Variants in TRIM62 observed in about 807,000 individuals in gnomAD.
TRIM62 encodes the protein tripartite motif containing 62, also known as E3 ubiquitin-protein ligase TRIM62.
In TRIM62, 39 loss-of-function variants were observed where a neutral mutation model predicts 44.2. The ratio of observed to expected loss-of-function variants is 0.88; its 90% CI spans 0.68 to 1.15. The LOEUF (loss-of-function observed/expected upper bound fraction) is 1.15, where lower values mean the gene tolerates loss of function less well. TRIM62 is among the 50% of genes most tolerant of loss of function. The probability of loss-of-function intolerance (pLI) is 0.00; values close to 1 mark genes in which losing one functional copy is unlikely to be tolerated. For missense variants in TRIM62, 544 were observed against 665.5 expected, an observed-to-expected ratio of 0.82 and a Z score of 2.01; for synonymous variants, 278 against 292.3, an observed-to-expected ratio of 0.95 and a Z score of 0.50.
At chr1:33,176,535 G>T in intron 1 of TRIM62, 3 of 639,850 alleles carry the variant, frequency 4.7e-6, no homozygotes, top group East Asian at 2.8e-5. Context: ...CCTCTCTGGG[G>T]GTTAGGAACC....
intron 1 of TRIM62, among the ~76,000 whole-genome samples, chr1:33,178,496 A>G (rs778214814): frequency 2.0e-5 from 3 of 152,222 alleles, no homozygotes; most frequent in Non-Finnish European, 2.9e-5. Context: ...GAGTCTGGGC[A>G]TTCACTCAGC....
intron 4 of TRIM62, among the ~76,000 whole-genome samples, chr1:33,157,697 G>A (rs1645199396): frequency 6.6e-6 from 1 of 151,784 alleles, no homozygotes; most frequent in South Asian, 2.1e-4. Context: ...AAGTGTCCAG[G>A]CCTCAGTCAT....
chr1:33,159,594 C>T lies in TRIM62; in HGVS notation c.761+94G>A. On this transcript the variant is annotated intron_variant, in intron 3 of 4. Coordinates refer to ENST00000291416, the MANE Select transcript of TRIM62 (RefSeq NM_018207.3). This position sits in a 1 kb window ranked among gnomAD's most constrained non-coding sequence, Gnocchi z 4.2. The stretch of plus-strand genomic sequence containing the variant: ...ATGAAGATTTGAATGAAAGAATTCT[C>T]TGCTAAGGATCCCATCTGCCTCCAC... 1 of 1,460,884 alleles carries T rather than the reference C, an allele frequency of 6.8e-7. No individual in the cohort carries two copies. The highest frequency in any genetic ancestry group is 9.1e-7 in the Non-Finnish European group (1 of 1,101,100). 90.5% of individuals were successfully genotyped at this position (1,460,884 alleles called of 1,614,324 possible). A position where few individuals can be genotyped will look rare whatever the true frequency, so the allele number is the denominator to read the frequency against.
intron 4 of TRIM62, among the ~76,000 whole-genome samples, chr1:33,149,889 T>C (rs548445251): frequency 1.3e-5 from 2 of 152,308 alleles, no homozygotes; most frequent in South Asian, 4.1e-4. Flanking sequence ...CTCCCTTGTG[T>C]GTCCAGAGCC....
At position 33,177,103 on chromosome 1, in the gene TRIM62, G is replaced by GCA. The variant is rs771243263; in HGVS notation, c.408+3920_408+3921dup. ...CATGCATGCACAAATGCACACACAT[G>GCA]CACACACACATGCATGTACGCATGC... On this transcript the variant is annotated intron_variant, in intron 1 of 4. Coordinates refer to ENST00000291416, the MANE Select transcript of TRIM62 (RefSeq NM_018207.3). The surrounding 1 kb of genome is among the most constrained non-coding windows in gnomAD (Gnocchi z 4.1). 2.7e-5 allele frequency among the ~76,000 whole-genome samples: 4 copies of GCA among 150,662 alleles called. No homozygotes were observed. The highest frequency in any genetic ancestry group is 6.6e-5 in the Admixed American group (1 of 15,140).
At chr1:33,151,078 A>G (rs936247316) in intron 4 of TRIM62, among the ~76,000 whole-genome samples, 3 of 152,048 alleles carry the variant, frequency 2.0e-5, no homozygotes, top group Non-Finnish European at 4.4e-5. Context: ...TATGTAGGAC[A>G]ATGTGAGCCA....
chr1:33,179,231 G>C (rs72885956), intron 1 of TRIM62, among the ~76,000 whole-genome samples: 1 of 152,244 alleles, frequency 6.6e-6, no homozygotes, highest in Non-Finnish European at 1.5e-5. Context: ...GCCAAGCCTT[G>C]TGCAGGCTCC....
At chr1:33,172,242 G>C (rs534613140) in intron 1 of TRIM62, among the ~76,000 whole-genome samples, 5 of 152,306 alleles carry the variant, frequency 3.3e-5, no homozygotes, top group East Asian at 1.9e-4. Flanking sequence ...GACTCAGAAC[G>C]GGGGGAGCTT....
In TRIM62 at chr1:33,176,233, C is replaced by T. The variant is rs142313803; in HGVS notation, c.408+4792G>A. Among the ~76,000 whole-genome samples, 1,346 of 152,344 alleles carry T rather than the reference C, an allele frequency of 8.8e-3. 14 individuals are homozygous for T. Among genetic ancestry groups the T allele is most frequent in the Non-Finnish European group, 0.014 (950 of 68,024 alleles). On this transcript the variant is annotated intron_variant, in intron 1 of 4. Coordinates refer to ENST00000291416, the MANE Select transcript of TRIM62 (RefSeq NM_018207.3). ...CTTTGGATATTTAGCAACTCTTTCT[C>T]TCTCTTTATACAGAAAGCAGGAGGG...
At chr1:33,172,802 A>G (rs1349663318) in intron 1 of TRIM62, among the ~76,000 whole-genome samples, 2 of 152,130 alleles carry the variant, frequency 1.3e-5, no homozygotes, top group Admixed American at 6.5e-5. Flanking sequence ...CCAGGGGACA[A>G]AGCAGCTGTG....
intron 1 of TRIM62, among the ~76,000 whole-genome samples, chr1:33,175,333 C>T (rs527573569): frequency 5.3e-5 from 8 of 152,104 alleles, no homozygotes; most frequent in South Asian, 2.1e-4. Context: ...TGGGCCACTG[C>T]GCCCAGCCCA....
intron 1 of TRIM62, among the ~76,000 whole-genome samples, chr1:33,169,020 C>T (rs200960319): frequency 4.1e-5 from 6 of 144,646 alleles, no homozygotes; most frequent in African/African-American, 7.7e-5. Context: ...TCCTGGATCC[C>T]GGGAGAATCA....
Position 33,161,794 on chromosome 1 carries a change from C to T in TRIM62, c.505-1850G>A, listed in dbSNP as rs1384827045. Among the ~76,000 whole-genome samples the T allele has an allele frequency of 1.3e-5, 2 of 152,196 alleles. No homozygotes were observed. Among genetic ancestry groups the T allele is most frequent in the Non-Finnish European group, 2.9e-5 (2 of 68,030 alleles). Reference sequence around the variant, plus strand: ...CTCTGGCTCCTCCTAGACCACTCTGCAGCACTTAGCCCACTCGCCACCCTC... The same window carrying T: ...CTCTGGCTCCTCCTAGACCACTCTGTAGCACTTAGCCCACTCGCCACCCTC... On this transcript the variant is annotated intron_variant, in intron 2 of 4. Transcript: ENST00000291416. This position sits in a 1 kb window ranked among gnomAD's most constrained non-coding sequence, Gnocchi z 4.3.
intron 1 of TRIM62, among the ~76,000 whole-genome samples, chr1:33,175,549 A>G (rs1645412714): frequency 6.6e-6 from 1 of 152,150 alleles, no homozygotes; most frequent in South Asian, 2.1e-4. Flanking sequence ...TGTCAACCAG[A>G]TGGTTTCTCA....
intron 4 of TRIM62, among the ~76,000 whole-genome samples, chr1:33,154,667 G>A (rs954527444): frequency 2.6e-5 from 4 of 151,322 alleles, no homozygotes; most frequent in Admixed American, 1.3e-4. Flanking sequence ...GTGCAGTGGC[G>A]TGTGCCTGTA....
In TRIM62 at chr1:33,161,754, A is replaced by G. The variant is rs1188328021; in HGVS notation, c.505-1810T>C. On this transcript the variant is annotated intron_variant, in intron 2 of 4. Transcript: ENST00000291416. This position sits in a 1 kb window ranked among gnomAD's most constrained non-coding sequence, Gnocchi z 4.3. ...GGAGCTGCCCTCCACAGGCGCCCAG[A>G]CTCCGCAGCTACTCCTCTGGCTCCT... Among the ~76,000 whole-genome samples the G allele has an allele frequency of 1.3e-5, 2 of 151,820 alleles. No individual in the cohort carries two copies. Among genetic ancestry groups the G allele is most frequent in the African/African-American group, 4.8e-5 (2 of 41,274 alleles).
Position 33,147,593 on chromosome 1 carries a change from C to T in TRIM62, c.1012G>A (p.Val338Met). Residue 338 changes from valine (V) to methionine (M), a missense_variant, in exon 5 of 5, where the codon GTG (valine) becomes ATG (methionine). Transcript: ENST00000291416. The surrounding 1 kb of genome is among the most constrained non-coding windows in gnomAD (Gnocchi z 8.1). ...AAGGCTTCAGAACCCAGCACCGACACCTCCACATCGAAGCGCTTTGGCGAG... is the reference window on the plus strand; with the variant it reads ...AAGGCTTCAGAACCCAGCACCGACATCTCCACATCGAAGCGCTTTGGCGAG... ...QDSPKRFDVE[V>M]SVLGSEAFSS... 1 of 1,613,854 alleles carries T rather than the reference C, an allele frequency of 6.2e-7. No homozygotes were observed.
Position 33,147,822 on chromosome 1 carries a change from G to T in TRIM62, c.878-95C>A. 2 of 1,404,744 alleles carry T rather than the reference G, an allele frequency of 1.4e-6. No individual in the cohort carries two copies. Among genetic ancestry groups the T allele is most frequent in the Non-Finnish European group, 1.9e-6 (2 of 1,035,094 alleles). The allele number at this position is 1,404,744 out of a possible 1,614,324, so 87.0% of individuals were successfully genotyped here. Reference sequence around the variant, plus strand: ...CTGAGGGCAGAGTTCTGGTTGGTACGCAGGAGGCCTCTGACCTGCTGTGTG... The same window carrying T: ...CTGAGGGCAGAGTTCTGGTTGGTACTCAGGAGGCCTCTGACCTGCTGTGTG... On this transcript the variant is annotated intron_variant, in intron 4 of 4. Coordinates refer to ENST00000291416, the MANE Select transcript of TRIM62 (RefSeq NM_018207.3). The surrounding 1 kb of genome is among the most constrained non-coding windows in gnomAD (Gnocchi z 8.1).
rs566186101 is a variant in TRIM62, at chr1:33,146,894, G to T, written c.*283C>A. ...TAGTCCCCTGCCCCTGAGAAGATGG[G>T]GATGAGGGTTGGGCAGGGGTTGCCC... On this transcript the variant is annotated 3_prime_UTR_variant, in exon 5 of 5. Coordinates refer to ENST00000291416, the MANE Select transcript of TRIM62 (RefSeq NM_018207.3). The T allele has an allele frequency of 7.0e-5, 32 of 457,084 alleles. No homozygotes were observed. The highest frequency in any genetic ancestry group is 5.2e-4 in the South Asian group (20 of 38,552). The allele number at this position is 457,084 out of a possible 1,614,324, so 28.3% of individuals were successfully genotyped here. A position where few individuals can be genotyped will look rare whatever the true frequency, so the allele number is the denominator to read the frequency against.
Sources: gnomAD v4.1 joint callset for allele counts (sites outside exome capture counted in the v4.1 genomes callset) on GRCh38, gnomAD v4.1.1 for gene constraint, Gnocchi (gnomAD v3.1) non-coding constraint, MANE v1.5 for transcripts, NCBI Gene and HGNC (gene_info 2026-07-23, HGNC 2026-07-21) for gene names.